Variants in ENOPH1 observed in about 807,000 individuals in gnomAD.
The protein encoded by ENOPH1 is enolase-phosphatase E1.
In ENOPH1, 14 loss-of-function variants were observed where a neutral mutation model predicts 31.1. The ratio of observed to expected loss-of-function variants is 0.45; its 90% CI spans 0.30 to 0.70. ENOPH1 has a LOEUF of 0.70. ENOPH1 is among the 30% of genes least tolerant of loss of function. The probability of loss-of-function intolerance (pLI) is 0.09; values close to 1 mark genes in which losing one functional copy is unlikely to be tolerated. For missense variants in ENOPH1, 243 were observed against 321.5 expected (o/e 0.76, Z 1.87); for synonymous variants, 127 against 123.2 (o/e 1.03, Z -0.21).
chr4:82,449,244 A>G (rs1722282515), intron 2 of ENOPH1, among the ~76,000 whole-genome samples: 1 of 152,182 alleles, frequency 6.6e-6, no homozygotes, highest in Admixed American at 6.5e-5. Flanking sequence ...CGTCTCAAAA[A>G]AAAAGAGTCC....
rs1481936354 is a variant in ENOPH1 at position 82,430,753 on chromosome 4, G to A, written c.-77G>A. The A allele has an allele frequency of 1.4e-6, 2 of 1,413,288 alleles. No individual in the cohort carries two copies. Among genetic ancestry groups the A allele is most frequent in the Admixed American group, 1.7e-5 (1 of 58,150 alleles). The allele number at this position is 1,413,288 out of a possible 1,614,324, so 87.5% of individuals were successfully genotyped here. ...GCCGCCGGAAGCCCAAGACGGTACC[G>A]GGGGCCGCAGCCGCAGCCGGCGCCG... On this transcript the variant is annotated 5_prime_UTR_variant, in exon 1 of 6. Coordinates refer to ENST00000273920, the MANE Select transcript of ENOPH1 (RefSeq NM_021204.5).
chr4:82,457,115 A>G (rs1207024318), intron 5 of ENOPH1, 77 bp downstream of exon 5: 4 of 1,338,534 alleles, frequency 3.0e-6, no homozygotes, highest in Admixed American at 4.7e-5. Flanking sequence ...TGCCTCTTTA[A>G]AGAAACTTTA....
At chr4:82,431,029 T>G (rs1721737292) in intron 1 of ENOPH1, 116 bp downstream of exon 1, 2 of 668,138 alleles carry the variant, frequency 3.0e-6, no homozygotes, top group Non-Finnish European at 4.9e-6. Flanking sequence ...TGTGGCTGCC[T>G]CTTGTGTGGA....
At chr4:82,455,004 T>C (rs1458555527) in intron 4 of ENOPH1, 150 bp downstream of exon 4, 7 of 717,092 alleles carry the variant, frequency 9.8e-6, no homozygotes, top group Non-Finnish European at 1.6e-5. Context: ...TTTAATTATA[T>C]TGTATTTACA....
At chr4:82,448,397 A>G (rs901512788) in intron 2 of ENOPH1, among the ~76,000 whole-genome samples, 5 of 151,558 alleles carry the variant, frequency 3.3e-5, no homozygotes, top group Non-Finnish European at 7.4e-5. Context: ...AGTAGCTGGG[A>G]CTACAGGCAC....
intron 1 of ENOPH1, among the ~76,000 whole-genome samples, chr4:82,434,985 G>A (rs1382001061): frequency 1.3e-5 from 2 of 151,958 alleles, no homozygotes; most frequent in Non-Finnish European, 1.5e-5. Flanking sequence ...ATCAAAATTT[G>A]TTGGGAGTAG....
chr4:82,448,131 G>T (rs1722242957), intron 2 of ENOPH1, 110 bp downstream of exon 2: 2 of 667,538 alleles, frequency 3.0e-6, no homozygotes, highest in East Asian at 2.9e-5. Context: ...TTTGATAGGG[G>T]ATAGAAGTTG....
chr4:82,457,579 G>A (rs192576644), intron 5 of ENOPH1, among the ~76,000 whole-genome samples: 17 of 152,234 alleles, frequency 1.1e-4, no homozygotes, highest in East Asian at 1.9e-4. Context: ...AACTCTTCTC[G>A]TTTAACTCCT....
At chr4:82,443,467 G>A (rs192219720) in intron 1 of ENOPH1, among the ~76,000 whole-genome samples, 23 of 151,820 alleles carry the variant, frequency 1.5e-4, no homozygotes, top group Admixed American at 3.9e-4. Context: ...GGTGGCTCAC[G>A]CTTGTAATCC....
chr4:82,438,630 C>T (rs745553195), intron 1 of ENOPH1, among the ~76,000 whole-genome samples: 20 of 152,304 alleles, frequency 1.3e-4, no homozygotes, highest in African/African-American at 2.4e-4. Flanking sequence ...TGCATGCAGC[C>T]TGGGTGACAG....
At chr4:82,454,289 T>G (rs913459283) in intron 3 of ENOPH1, among the ~76,000 whole-genome samples, 1 of 152,246 alleles carries the variant, frequency 6.6e-6, no homozygotes, top group African/African-American at 2.4e-5. Context: ...TTGATTATTT[T>G]GGGTGCAGAT....
At chr4:82,445,865 ACT>A (rs1412103872) in intron 1 of ENOPH1, among the ~76,000 whole-genome samples, 1 of 152,122 alleles carries the variant, frequency 6.6e-6, no homozygotes, top group South Asian at 2.1e-4. Flanking sequence ...ATGATCAGGA[ACT>A]CTAAAGTAAT....
At chr4:82,452,935 T>G (rs868177762) in intron 3 of ENOPH1, among the ~76,000 whole-genome samples, 6 of 142,606 alleles carry the variant, frequency 4.2e-5, no homozygotes, top group Non-Finnish European at 9.1e-5. Flanking sequence ...GGAGTCTTGC[T>G]CTGTCACCCA....
intron 1 of ENOPH1, among the ~76,000 whole-genome samples, chr4:82,444,905 G>A (rs1199727811): frequency 6.6e-6 from 1 of 152,140 alleles, no homozygotes; most frequent in Non-Finnish European, 1.5e-5. Flanking sequence ...ATCTGTAAGT[G>A]GATTATAACT....
In ENOPH1 at chr4:82,430,891, C is replaced by A; in HGVS notation, c.62C>A (p.Thr21Lys). Residue 21 changes from threonine to lysine, a missense_variant, in exon 1 of 6, where the codon ACA becomes AAA. Coordinates refer to ENST00000273920, the MANE Select transcript of ENOPH1 (RefSeq NM_021204.5). Reference protein sequence around the residue: ...TVILLDIEGTTTPIAFVKDIL... With the variant: ...TVILLDIEGTKTPIAFVKDIL... ...ATCCTGTTAGATATCGAAGGTACCA[C>A]AACCCCGATTGCTTTCGTGAAGGTG... 6.2e-7 allele frequency: 1 copy of A among 1,614,206 alleles called. No homozygotes were observed. The highest frequency in any genetic ancestry group is 8.5e-7 in the Non-Finnish European group (1 of 1,179,996).
chr4:82,459,726 A>T (rs1722595634), intron 5 of ENOPH1, among the ~76,000 whole-genome samples: 1 of 152,190 alleles, frequency 6.6e-6, no homozygotes, highest in Admixed American at 6.5e-5. Flanking sequence ...TCAGAAGTGT[A>T]GGATACACTG....
intron 5 of ENOPH1, among the ~76,000 whole-genome samples, chr4:82,457,571 C>T (rs546717827): frequency 8.9e-4 from 136 of 152,310 alleles, no homozygotes; most frequent in African/African-American, 3.0e-3. Flanking sequence ...AAAAGACTAA[C>T]TCTTCTCGTT....
At chr4:82,431,671 A>G (rs1183943401) in intron 1 of ENOPH1, among the ~76,000 whole-genome samples, 1 of 152,196 alleles carries the variant, frequency 6.6e-6, no homozygotes, top group Non-Finnish European at 1.5e-5. Context: ...ATAAGCAAAT[A>G]TGAAATGTTA....
chr4:82,458,939 C>T (rs1474742101), intron 5 of ENOPH1, among the ~76,000 whole-genome samples: 1 of 152,130 alleles, frequency 6.6e-6, no homozygotes, highest in African/African-American at 2.4e-5. Flanking sequence ...GTGGAAGAAA[C>T]AGCTCAGCCC....
Sources: allele counts gnomAD v4.1 joint callset (sites outside exome capture counted in the v4.1 genomes callset), GRCh38; gene constraint gnomAD v4.1.1; transcripts MANE v1.5; gene names NCBI Gene and HGNC (gene_info 2026-07-23, HGNC 2026-07-21).